Variants in SEC16A observed in about 807,000 individuals in gnomAD.
The protein encoded by SEC16A is protein transport protein Sec16A.
Under a neutral mutation model 221.9 loss-of-function variants are expected in SEC16A, and 110 were observed. The observed-to-expected ratio is 0.50, with a 90% CI of 0.42 to 0.58. The LOEUF is 0.58. SEC16A is among the 20% of genes least tolerant of loss of function. The pLI, the probability that SEC16A is intolerant of heterozygous loss-of-function variation, is 0.00. For synonymous variants in SEC16A, 1,393 were observed against 1,257.7 expected, an observed-to-expected ratio of 1.11 and a Z score of -2.28; for missense variants, 3,165 against 3,097.8, an observed-to-expected ratio of 1.02 and a Z score of -0.52.
chr9:136,462,825 C>T, intron 12 of SEC16A, 62 bp downstream of exon 12: 1 of 1,563,292 alleles, frequency 6.4e-7, no homozygotes, highest in South Asian at 1.2e-5. Flanking sequence ...GGCTGCAACC[C>T]CGCACCAGGC....
intron 3 of SEC16A, among the ~76,000 whole-genome samples, chr9:136,473,470 G>T (rs767646818): frequency 6.6e-6 from 1 of 152,244 alleles, no homozygotes; most frequent in South Asian, 2.1e-4. Flanking sequence ...AGGCACAGAA[G>T]AATCTTCTGC....
In SEC16A at chr9:136,441,626, G is replaced by C; in HGVS notation, c.*129C>G. 1.4e-6 allele frequency: 1 copy of C among 715,570 alleles called. No individual in the cohort carries two copies. Among genetic ancestry groups the C allele is most frequent in the Non-Finnish European group, 2.5e-6 (1 of 398,672 alleles). 44.3% of individuals were successfully genotyped at this position (715,570 alleles called of 1,614,324 possible). On this transcript the variant is annotated 3_prime_UTR_variant, in exon 32 of 32. Coordinates refer to ENST00000684901, the MANE Select transcript of SEC16A (RefSeq NM_014866.2). ...GATGGGCGGTGAGGAGGGAGGCACA[G>C]TGTGCGACCAGCTCTGAGTCACTGC...
chr9:136,463,121 C>A lies in SEC16A; in HGVS notation c.4659G>T (p.Gly1553=). The A allele has an allele frequency of 6.2e-7, 1 of 1,610,042 alleles. No homozygotes were observed. The highest frequency in any genetic ancestry group is 8.5e-7 in the Non-Finnish European group (1 of 1,179,866). Residue 1553 remains glycine (G), a synonymous_variant, in exon 12 of 32, where the codon GGG becomes GGT. Transcript: ENST00000684901. The part of the protein sequence containing the change: ...LLCRQNGTVV[G]TDIAELLLRD... ...GTAACAGAAGCTCCGCAATGTCGGTCCCTACCACGGTCTGTTTGGGTCAAC... is the reference window on the plus strand; with the variant it reads ...GTAACAGAAGCTCCGCAATGTCGGTACCTACCACGGTCTGTTTGGGTCAAC...
In SEC16A at chr9:136,466,405, G is replaced by A. The variant is rs748143939; in HGVS notation, c.3987C>T (p.Asp1329=). Residue 1329 remains aspartate (D), a synonymous_variant, in exon 7 of 32, where the codon GAC becomes GAT. Transcript: ENST00000684901. This position sits in a 1 kb window ranked among gnomAD's most constrained non-coding sequence, Gnocchi z 5.5. The part of the protein sequence containing the change: ...RYDPRFTGSF[D]DDPDPHRDPY... Reference sequence around the variant, plus strand: ...GGTCTCTGTGCGGATCGGGGTCATCGTCAAAACTCCCCGTGAAGCGAGGAT... The same window carrying A: ...GGTCTCTGTGCGGATCGGGGTCATCATCAAAACTCCCCGTGAAGCGAGGAT... 1.4e-5 allele frequency: 22 copies of A among 1,606,108 alleles called. No homozygotes were observed. The highest frequency in any genetic ancestry group is 9.0e-5 in the East Asian group (4 of 44,592).
At chr9:136,454,760 TCAA>T (rs1304328583) in intron 20 of SEC16A, among the ~76,000 whole-genome samples, 4 of 152,210 alleles carry the variant, frequency 2.6e-5, no homozygotes, top group South Asian at 4.1e-4. Context: ...CCTGGATGCT[TCAA>T]CAACAAAAGA....
intron 22 of SEC16A, among the ~76,000 whole-genome samples, chr9:136,452,790 A>C (rs917475241): frequency 1.5e-5 from 2 of 133,022 alleles, no homozygotes; most frequent in Non-Finnish European, 3.3e-5. Flanking sequence ...AAAAAAAAAA[A>C]GGCCAGGCTT....
rs377424537 is a variant in SEC16A at position 136,466,258 on chromosome 9, G to A, written c.4128+6C>T. 28 of 1,584,188 alleles carry A rather than the reference G, an allele frequency of 1.8e-5. No homozygotes were observed. Among genetic ancestry groups the A allele is most frequent in the Middle Eastern group, 3.3e-4 (2 of 6,016 alleles). On this transcript the variant is annotated splice_donor_region_variant and intron_variant, in intron 7 of 31. Transcript: ENST00000684901. This position sits in a 1 kb window ranked among gnomAD's most constrained non-coding sequence, Gnocchi z 5.5. ...GTCCGCGTGTCTGTGAGGCGCCGCC[G>A]CGTACCTGGTGCGAGTGGGAGCTGA...
At chr9:136,483,762 T>A, upstream of SEC16A, 1 of 984,930 alleles carries the variant, frequency 1.0e-6, no homozygotes, top group Middle Eastern at 5.2e-4. Context: ...CTCCTCGCAT[T>A]CTTCCGTTGG....
chr9:136,442,176 G>A (rs944940367), intron 31 of SEC16A, among the ~76,000 whole-genome samples: 4 of 152,246 alleles, frequency 2.6e-5, no homozygotes, highest in African/African-American at 2.4e-5. Context: ...TGCATGGGAC[G>A]CGGGGACCTC....
rs1836053891 is a variant in SEC16A, at chr9:136,440,311, T to C, written c.*1444A>G. The C allele has an allele frequency of 6.6e-6, 1 of 152,376 alleles. No homozygotes were observed. Among genetic ancestry groups the C allele is most frequent in the South Asian group, 2.1e-4 (1 of 4,838 alleles). 9.4% of individuals were successfully genotyped at this position (152,376 alleles called of 1,614,324 possible). ...GAGAGGGCTGCCCCGTCACAGGGACTGGCCTTTCTCCAAGTGACAAGGACA... is the reference window on the plus strand; with the variant it reads ...GAGAGGGCTGCCCCGTCACAGGGACCGGCCTTTCTCCAAGTGACAAGGACA... On this transcript the variant is annotated 3_prime_UTR_variant, in exon 32 of 32. Coordinates refer to ENST00000684901, the MANE Select transcript of SEC16A (RefSeq NM_014866.2).
rs768101774 is a variant in SEC16A, at chr9:136,476,601, G to T, written c.1015C>A (p.Arg339=). 5 of 1,598,270 alleles carry T rather than the reference G, an allele frequency of 3.1e-6. No individual in the cohort carries two copies. In the African/African-American group the frequency reaches 6.7e-5, roughly 21 times the overall value. Reference sequence around the variant, plus strand: ...GTACGGTTTTCTGGGCTATCTCCCCGGGCGAGGGGGTTCACAAGAGCAGAG... The same window carrying T: ...GTACGGTTTTCTGGGCTATCTCCCCTGGCGAGGGGGTTCACAAGAGCAGAG... ...PASALVNPLA[R]GDSPENRTHH... Residue 339 remains arginine (R), a synonymous_variant, in exon 3 of 32, where the codon CGG becomes AGG. Transcript: ENST00000684901.
In SEC16A at chr9:136,457,455, G is replaced by A; in HGVS notation, c.5539C>T (p.Gln1847Ter). The A allele has an allele frequency of 6.2e-7, 1 of 1,604,280 alleles. No homozygotes were observed. Among genetic ancestry groups the A allele is most frequent in the Non-Finnish European group, 8.5e-7 (1 of 1,174,832 alleles). The change falls in exon 18 of 32, where the codon CAG becomes TAG. Residue 1847 changes from glutamine (Q) to a stop codon, truncating the protein, a stop_gained. Coordinates refer to ENST00000684901, the MANE Select transcript of SEC16A (RefSeq NM_014866.2). LOFTEE classifies it high-confidence loss of function. ...GCCAGGGGCAGCACCTGCACAAGCT[G>A]GCTGATCAACACCGGGGAATACAGG... ...PHLYSPVLISQLVQMASQLRL... is the reference protein window; with the variant it reads ...PHLYSPVLIS
chr9:136,480,806 C>T lies in SEC16A; in HGVS notation c.-191-1976G>A, dbSNP rs1009108266. ...TCGGGAGGCTGAGGCAGGAGAATGG[C>T]GTAAACCTGGGAGGCGGAGCTTGCA... On this transcript the variant is annotated intron_variant, in intron 1 of 31. Transcript: ENST00000684901. Among the ~76,000 whole-genome samples the T allele has an allele frequency of 6.6e-5, 10 of 152,054 alleles. No homozygotes were observed. The East Asian group carries it at 1.4e-3, about 21-fold the overall frequency.
At chr9:136,483,434 CCCTTTGGCCCCGCCCCTCGG>C, upstream of SEC16A, 1 of 719,174 alleles carries the variant, frequency 1.4e-6, no homozygotes, top group Non-Finnish European at 1.7e-6. Context: ...TCGTTCCCGC[CCCTTTGGCCCCGCCCCTCGG>C]CCGTCCTTCC....
intron 8 of SEC16A, among the ~76,000 whole-genome samples, chr9:136,465,574 TCTGA>T (rs1287382720): frequency 3.3e-5 from 5 of 152,254 alleles, no homozygotes; most frequent in African/African-American, 1.2e-4. Flanking sequence ...GGAAGGGAAC[TCTGA>T]CTGACACGCG....
chr9:136,456,989 T>C (rs1307730900), intron 18 of SEC16A, among the ~76,000 whole-genome samples: 1 of 151,964 alleles, frequency 6.6e-6, no homozygotes, highest in African/African-American at 2.4e-5. Context: ...CTGGCCAACA[T>C]GGTGAAACCC....
Position 136,466,541 on chromosome 9 carries a change from G to T in SEC16A, c.3930-79C>A, listed in dbSNP as rs1021125622. ...CCCCATGTGCCACGCAGCTGCCCAG[G>T]AGCTGAGACCGAGACCCCTGGGGCC... is the stretch of plus-strand genomic sequence containing the variant. On this transcript the variant is annotated intron_variant, in intron 6 of 31. Coordinates refer to ENST00000684901, the MANE Select transcript of SEC16A (RefSeq NM_014866.2). The surrounding 1 kb of genome is among the most constrained non-coding windows in gnomAD (Gnocchi z 5.5). The T allele has an allele frequency of 6.5e-6, 9 of 1,381,262 alleles. No individual in the cohort carries two copies. The African/African-American group carries it at 1.3e-4, about 20-fold the overall frequency. The allele number at this position is 1,381,262 out of a possible 1,614,324, so 85.6% of individuals were successfully genotyped here. A position where few individuals can be genotyped will look rare whatever the true frequency, so the allele number is the denominator to read the frequency against.
chr9:136,459,026 CA>C lies in SEC16A; in HGVS notation c.5409+107del. On this transcript the variant is annotated intron_variant, in intron 17 of 31. Coordinates refer to ENST00000684901, the MANE Select transcript of SEC16A (RefSeq NM_014866.2). This position sits in a 1 kb window ranked among gnomAD's most constrained non-coding sequence, Gnocchi z 6.1. ...TCTCAAGATCCTCCCCCAAAAAACTCACATCATTTTTTTCGATACCAATTCA... is the reference window on the plus strand; with the variant it reads ...TCTCAAGATCCTCCCCCAAAAAACTCCATCATTTTTTTCGATACCAATTCA... The C allele has an allele frequency of 2.9e-6, 2 of 681,860 alleles. No individual in the cohort carries two copies. Among genetic ancestry groups the C allele is most frequent in the Non-Finnish European group, 4.8e-6 (2 of 418,918 alleles). 42.2% of individuals were successfully genotyped at this position (681,860 alleles called of 1,614,324 possible).
rs1440828921 is a variant in SEC16A at position 136,466,033 on chromosome 9, TTGC to T, written c.4229_4231del (p.Ser1410del). The stretch of plus-strand genomic sequence containing the variant: ...TGGGAAGCCGGGGCCACTGCTGAAA[TTGC>T]TGCGGTAGGTGCCGTAGGCAAAATC... On this transcript the variant is annotated inframe_deletion, in exon 8 of 32. Transcript: ENST00000684901. The surrounding 1 kb of genome is among the most constrained non-coding windows in gnomAD (Gnocchi z 5.5). 6 of 1,613,284 alleles carry T rather than the reference TTGC, an allele frequency of 3.7e-6. No homozygotes were observed. The African/African-American group carries it at 6.7e-5, about 18-fold the overall frequency.
Sources: allele counts gnomAD v4.1 joint callset (sites outside exome capture counted in the v4.1 genomes callset), GRCh38; gene constraint gnomAD v4.1.1; non-coding constraint Gnocchi (gnomAD v3.1); transcripts MANE v1.5; gene names NCBI Gene and HGNC (gene_info 2026-07-23, HGNC 2026-07-21).